The following SHISA9 variants were observed in gnomAD, a reference collection of about 807,000 sequenced individuals.
SHISA9 encodes the protein shisa family member 9.
A neutral mutation model predicts 38.0 loss-of-function variants in SHISA9; 13 were observed. The observed-to-expected ratio is 0.34, with a 90% CI of 0.22 to 0.54. SHISA9 has a LOEUF of 0.54. Ranked by LOEUF, SHISA9 falls within the 20% of genes least tolerant of loss-of-function variation. SHISA9 has a pLI of 0.91. For missense variants in SHISA9, 538 were observed against 575.8 expected, an observed-to-expected ratio of 0.93 and a Z score of 0.67; for synonymous variants, 275 against 242.0, an observed-to-expected ratio of 1.14 and a Z score of -1.27.
chr16:13,153,619 C>G (rs1332139383), intron 2 of SHISA9, among the ~76,000 whole-genome samples: 14 of 152,234 alleles, frequency 9.2e-5, no homozygotes, highest in Admixed American at 8.5e-4. Flanking sequence ...AAGCATGCCC[C>G]AAAGTACCAA....
the SHISA9 span, among the ~76,000 whole-genome samples, chr16:13,311,420 C>A: frequency 2.0e-5 from 3 of 151,870 alleles, no homozygotes. Context: ...TTTCTGCCAA[C>A]CCTAAATAGC....
chr16:13,546,443 G>T, the SHISA9 span, among the ~76,000 whole-genome samples: 1 of 152,212 alleles, frequency 6.6e-6, no homozygotes, highest in Non-Finnish European at 1.5e-5. Context: ...GTCTGGGAAA[G>T]AATTTATCTC....
intron 2 of SHISA9, among the ~76,000 whole-genome samples, chr16:12,924,927 C>T (rs1430121954): frequency 6.6e-6 from 1 of 152,190 alleles, no homozygotes; most frequent in African/African-American, 2.4e-5. Flanking sequence ...AAAACTATGT[C>T]TACCTTACAA....
rs1368045603 is a variant in SHISA9, at chr16:13,235,384, A to G, written c.1250A>G (p.Asn417Ser). 1 of 1,538,698 alleles carries G rather than the reference A, an allele frequency of 6.5e-7. No homozygotes were observed. The highest frequency in any genetic ancestry group is 1.2e-5 in the South Asian group (1 of 83,940). ...CCCCCACAGCCATACTTCATCACCA[A>G]CAGCAAAACAGAAGTGACTGTCTGA... ...YPPPQPYFIT[N>S]SKTEVTV Residue 417 changes from asparagine to serine, a missense_variant, in exon 5 of 5, where the codon AAC (asparagine) becomes AGC (serine). Physicochemically the swap from Asn to Ser is conservative, Grantham distance 46. Around this residue, in one of 4 missense-constraint regions of SHISA9, gnomAD observed 326 missense variants for 305.9 expected, o/e 1.07. Transcript: ENST00000558583.
At chr16:12,965,695 G>T (rs1159713827) in intron 2 of SHISA9, among the ~76,000 whole-genome samples, 1 of 152,170 alleles carries the variant, frequency 6.6e-6, no homozygotes, top group Non-Finnish European at 1.5e-5. Flanking sequence ...TGGCAGCCAC[G>T]TGGCCTTGGT....
chr16:13,114,193 G>A (rs542292107), intron 2 of SHISA9, among the ~76,000 whole-genome samples: 6 of 152,040 alleles, frequency 3.9e-5, no homozygotes, highest in Non-Finnish European at 7.4e-5. Context: ...AAGGCTGGGC[G>A]TGGTGGCTCA....
the SHISA9 span, among the ~76,000 whole-genome samples, chr16:13,332,209 A>T: frequency 7.9e-5 from 12 of 152,196 alleles, no homozygotes; most frequent in African/African-American, 1.7e-4. Context: ...CTGGGATGAC[A>T]AGTTGTCCTG....
the SHISA9 span, among the ~76,000 whole-genome samples, chr16:13,515,216 A>G: frequency 6.6e-6 from 1 of 152,244 alleles, no homozygotes; most frequent in Non-Finnish European, 1.5e-5. Flanking sequence ...TAATAAGAAA[A>G]GAGTGAAATA....
intron 4 of SHISA9, among the ~76,000 whole-genome samples, chr16:13,216,173 C>A (rs1391313472): frequency 3.4e-5 from 4 of 119,212 alleles, no homozygotes. Context: ...GGCGGCAGAG[C>A]GAGACTCTGT....
intron 2 of SHISA9, among the ~76,000 whole-genome samples, chr16:13,168,893 A>G (rs116671721): frequency 0.012 from 1,828 of 152,348 alleles, 26 homozygotes; most frequent in African/African-American, 0.04. Context: ...CAGAGCCGAC[A>G]TGAGAACTGG....
Position 12,902,141 on chromosome 16 carries a change from G to C in SHISA9, c.77G>C (p.Arg26Pro), listed in dbSNP as rs1393337274. The change falls in exon 1 of 5, where the codon CGA (arginine) becomes CCA (proline). Residue 26 changes from arginine (R) to proline (P), a missense_variant. Transcript: ENST00000558583. ...LCARVCRAQE[R>P]AGHGQLAQLG... ...GCCCGCGTGTGCCGGGCGCAGGAGCGAGCGGGACACGGGCAGCTGGCGCAA... is the reference window on the plus strand; with the variant it reads ...GCCCGCGTGTGCCGGGCGCAGGAGCCAGCGGGACACGGGCAGCTGGCGCAA... 6.6e-7 allele frequency: 1 copy of C among 1,516,496 alleles called. No individual in the cohort carries two copies. The highest frequency in any genetic ancestry group is 8.8e-7 in the Non-Finnish European group (1 of 1,139,602). The allele number at this position is 1,516,496 out of a possible 1,614,324, so 93.9% of individuals were successfully genotyped here.
At chr16:13,425,200 A>C in the SHISA9 span, among the ~76,000 whole-genome samples, 1 of 152,270 alleles carries the variant, frequency 6.6e-6, no homozygotes, top group Non-Finnish European at 1.5e-5. Context: ...GGTTACTTCA[A>C]AAGCAGGGAG....
chr16:13,085,583 G>C (rs115616492), intron 2 of SHISA9, among the ~76,000 whole-genome samples: 1 of 152,166 alleles, frequency 6.6e-6, no homozygotes, highest in Non-Finnish European at 1.5e-5. Flanking sequence ...CCTGCCCAGG[G>C]TTCAAGGCTG....
At chr16:13,425,924 G>A in the SHISA9 span, among the ~76,000 whole-genome samples, 2 of 152,174 alleles carry the variant, frequency 1.3e-5, no homozygotes, top group Non-Finnish European at 2.9e-5. Context: ...TGCAAGCCTA[G>A]ATGGAGTTCT....
the SHISA9 span, among the ~76,000 whole-genome samples, chr16:13,329,828 C>T: frequency 3.0e-4 from 45 of 152,252 alleles, 1 homozygote; most frequent in East Asian, 7.5e-3. Context: ...GTTGTTTGTT[C>T]GGGTTCAATT....
chr16:13,408,517 C>T, the SHISA9 span, among the ~76,000 whole-genome samples: 59 of 152,144 alleles, frequency 3.9e-4, no homozygotes, highest in Middle Eastern at 3.4e-3. Flanking sequence ...TTTTTTCTAG[C>T]ATAACTGATA....
Position 12,943,980 on chromosome 16 carries a change from G to A in SHISA9, c.691+27165G>A, listed in dbSNP as rs370675257. ...AACCCCAACACTATTGATATCTTGG[G>A]TCAGACAATTCTTTGTTGTGGGGCT... On this transcript the variant is annotated intron_variant, in intron 2 of 4. Coordinates refer to ENST00000558583, the MANE Select transcript of SHISA9 (RefSeq NM_001145204.3). Among the ~76,000 whole-genome samples, 34 of 151,826 alleles carry A rather than the reference G, an allele frequency of 2.2e-4. 1 individual carries two copies. The Middle Eastern group carries it at 0.01, about 46-fold the overall frequency.
chr16:12,949,553 T>C (rs1406775066), intron 2 of SHISA9, among the ~76,000 whole-genome samples: 1 of 152,178 alleles, frequency 6.6e-6, no homozygotes, highest in East Asian at 1.9e-4. Context: ...TCAAGGTGCA[T>C]TGTAAGTGGA....
chr16:13,423,496 C>G, the SHISA9 span, among the ~76,000 whole-genome samples: 1 of 152,164 alleles, frequency 6.6e-6, no homozygotes, highest in Non-Finnish European at 1.5e-5. Flanking sequence ...CATCGTTTAT[C>G]CAAATCATCC....
Sources: allele counts gnomAD v4.1 joint callset (sites outside exome capture counted in the v4.1 genomes callset), GRCh38; gene constraint gnomAD v4.1.1; regional missense constraint gnomAD v4.1.1; transcripts MANE v1.5; gene names NCBI Gene and HGNC (gene_info 2026-07-23, HGNC 2026-07-21).